The following DLC1 variants were observed in gnomAD, a reference collection of about 807,000 sequenced individuals.
DLC1 encodes the protein DLC1 Rho GTPase activating protein, also known as rho GTPase-activating protein 7.
DLC1 carries 54 observed loss-of-function variants against 140.3 expected under a neutral mutation model. The observed-to-expected ratio is 0.38, with a 90% CI of 0.31 to 0.48. The LOEUF (loss-of-function observed/expected upper bound fraction) is 0.48. DLC1 is among the 20% of genes least tolerant of loss of function. The pLI is 0.96. For synonymous variants in DLC1, 986 were observed against 728.1 expected, an observed-to-expected ratio of 1.35 and a Z score of -5.70; for missense variants, 2,536 against 1,907.0, an observed-to-expected ratio of 1.33 and a Z score of -6.14.
At chr8:13,197,399 A>G (rs1232572646) in intron 5 of DLC1, among the ~76,000 whole-genome samples, 2 of 151,760 alleles carry the variant, frequency 1.3e-5, no homozygotes, top group Non-Finnish European at 2.9e-5. Context: ...CCCAGGCTGG[A>G]GTGCAGTGGC....
chr8:13,347,752 A>T (rs1380465471), intron 4 of DLC1, among the ~76,000 whole-genome samples: 1 of 152,144 alleles, frequency 6.6e-6, no homozygotes, highest in Non-Finnish European at 1.5e-5. Flanking sequence ...ATTTCAACAT[A>T]TGAAGTAAGT....
chr8:13,364,255 G>A lies in DLC1; in HGVS notation c.1314+29298C>T, dbSNP rs187585188. On this transcript the variant is annotated intron_variant, in intron 4 of 17. Coordinates refer to ENST00000276297, the MANE Select transcript of DLC1 (RefSeq NM_182643.3). The stretch of plus-strand genomic sequence containing the variant: ...TGCTTACCTAGTTTGCTCCCTCTTC[G>A]TAGTTAAAGCTATTTTTAAGTTTCC... 2.2e-3 allele frequency among the ~76,000 whole-genome samples: 328 copies of A among 151,330 alleles called. 2 individuals carry two copies. Among genetic ancestry groups the A allele is most frequent in the African/African-American group, 7.7e-3 (317 of 41,162 alleles).
rs1817525593 is a variant in DLC1 at position 13,086,005 on chromosome 8, G to C, written c.4467-74C>G. 7.6e-6 allele frequency: 12 copies of C among 1,576,936 alleles called. No individual in the cohort carries two copies. The South Asian group carries it at 1.3e-4, about 17-fold the overall frequency. Reference sequence around the variant, plus strand: ...CATGGAAATAAAATGAGAAACATCTGTTTGCTAGTTCAAATGCATAAAATC... The same window carrying C: ...CATGGAAATAAAATGAGAAACATCTCTTTGCTAGTTCAAATGCATAAAATC... On this transcript the variant is annotated intron_variant, in intron 17 of 17. Transcript: ENST00000276297.
chr8:13,215,511 A>C (rs1828153496), intron 5 of DLC1, among the ~76,000 whole-genome samples: 1 of 152,184 alleles, frequency 6.6e-6, no homozygotes, highest in African/African-American at 2.4e-5. Context: ...ACTTGAGCCC[A>C]GAAGGCAGAA....
intron 1 of DLC1, chr8:13,567,703 A>G: frequency 1.9e-6 from 3 of 1,552,038 alleles, no homozygotes; most frequent in Non-Finnish European, 2.6e-6. Context: ...TCTTCATACC[A>G]AAGACTTTCT....
At chr8:13,455,726 C>T (rs1373343096) in intron 2 of DLC1, among the ~76,000 whole-genome samples, 6 of 152,070 alleles carry the variant, frequency 3.9e-5, no homozygotes, top group East Asian at 1.9e-4. Context: ...TATAAAAATT[C>T]GAGGATAGGC....
intron 1 of DLC1, among the ~76,000 whole-genome samples, chr8:13,510,342 GT>G (rs1001235076): frequency 2.0e-5 from 3 of 151,782 alleles, no homozygotes; most frequent in Non-Finnish European, 4.4e-5. Context: ...CCTGGCTAAA[GT>G]TTTTTGTATT....
At chr8:13,243,379 C>A (rs975385790) in intron 5 of DLC1, among the ~76,000 whole-genome samples, 5 of 151,448 alleles carry the variant, frequency 3.3e-5, no homozygotes, top group African/African-American at 2.4e-5. Context: ...TTCCCCCTCA[C>A]CTTCTGCCGT....
At chr8:13,173,638 G>T (rs1354947263) in intron 5 of DLC1, among the ~76,000 whole-genome samples, 1 of 152,142 alleles carries the variant, frequency 6.6e-6, no homozygotes, top group Non-Finnish European at 1.5e-5. Context: ...CCAAAGTGCT[G>T]AGATTACAGG....
intron 5 of DLC1, among the ~76,000 whole-genome samples, chr8:13,140,590 T>C (rs1006901352): frequency 4.6e-5 from 7 of 152,106 alleles, no homozygotes; most frequent in African/African-American, 1.4e-4. Flanking sequence ...GTAAGTATTA[T>C]GTATATTAGG....
intron 4 of DLC1, among the ~76,000 whole-genome samples, chr8:13,361,845 A>G (rs1835241359): frequency 6.6e-6 from 1 of 152,190 alleles, no homozygotes; most frequent in Non-Finnish European, 1.5e-5. Flanking sequence ...TAGTACATAT[A>G]TCAATAATCT....
intron 1 of DLC1, among the ~76,000 whole-genome samples, chr8:13,549,605 G>C (rs1383880): frequency 0.98 from 149,713 of 152,220 alleles, 73,668 homozygotes; most frequent in East Asian, 1. Context: ...ATACATTAAA[G>C]AGCAGAGGAA....
chr8:13,154,681 G>A (rs541551433), intron 5 of DLC1, among the ~76,000 whole-genome samples: 1 of 152,324 alleles, frequency 6.6e-6, no homozygotes, highest in African/African-American at 2.4e-5. Flanking sequence ...TGGTCAAGCG[G>A]GGCCAGAGTG....
intron 5 of DLC1, among the ~76,000 whole-genome samples, chr8:13,211,629 A>T (rs1337930223): frequency 2.6e-5 from 4 of 152,212 alleles, no homozygotes; most frequent in African/African-American, 9.7e-5. Context: ...GCAAGCCACT[A>T]TATCAGTTGT....
chr8:13,112,072 G>C (rs570965361), intron 6 of DLC1, among the ~76,000 whole-genome samples: 4 of 152,224 alleles, frequency 2.6e-5, no homozygotes, highest in African/African-American at 9.6e-5. Flanking sequence ...GATCACCTGA[G>C]CCCCAGAGTT....
intron 1 of DLC1, among the ~76,000 whole-genome samples, chr8:13,512,039 C>T (rs190430078): frequency 6.6e-6 from 1 of 151,898 alleles, no homozygotes; most frequent in Non-Finnish European, 1.5e-5. Flanking sequence ...TTATAATGTC[C>T]TTATGAAGAA....
intron 5 of DLC1, among the ~76,000 whole-genome samples, chr8:13,285,008 CTGTT>C (rs1021609496): frequency 2.0e-5 from 3 of 152,046 alleles, no homozygotes; most frequent in African/African-American, 7.2e-5. Context: ...TTTTGTTTGT[CTGTT>C]TGTTTAACTG....
At chr8:13,356,011 A>T (rs1834925815) in intron 4 of DLC1, among the ~76,000 whole-genome samples, 1 of 138,474 alleles carries the variant, frequency 7.2e-6, no homozygotes, top group Non-Finnish European at 1.5e-5. Flanking sequence ...AATGGCATGA[A>T]CTCAGGAGGC....
chr8:13,139,009 G>A (rs938627664), intron 5 of DLC1, among the ~76,000 whole-genome samples: 1 of 152,050 alleles, frequency 6.6e-6, no homozygotes, highest in Non-Finnish European at 1.5e-5. Context: ...GAGAAGCTGG[G>A]CACAGTAGTT....
Sources: gnomAD v4.1 joint callset for allele counts (sites outside exome capture counted in the v4.1 genomes callset) on GRCh38, gnomAD v4.1.1 for gene constraint, MANE v1.5 for transcripts, NCBI Gene and HGNC (gene_info 2026-07-23, HGNC 2026-07-21) for gene names.